The following IMMP2L variants were observed in gnomAD, a reference collection of about 807,000 sequenced individuals.
IMMP2L encodes the protein mitochondrial inner membrane protease subunit 2.
Under a neutral mutation model 19.3 loss-of-function variants are expected in IMMP2L, and 18 were observed. The ratio of observed to expected loss-of-function variants is 0.93; its 90% CI spans 0.64 to 1.38. The LOEUF is 1.38. Among genes scored for constraint, IMMP2L ranks in the 40% most tolerant of loss-of-function variants. The probability of loss-of-function intolerance (pLI) is 0.00; values close to 1 mark genes in which losing one functional copy is unlikely to be tolerated. For synonymous variants in IMMP2L, 76 were observed against 73.0 expected (o/e 1.04, Z -0.21); for missense variants, 233 against 218.2 (o/e 1.07, Z -0.43).
Position 110,889,423 on chromosome 7 carries a change from C to A in IMMP2L, c.306-2728G>T, listed in dbSNP as rs1012910462. 2.6e-5 allele frequency among the ~76,000 whole-genome samples: 4 copies of A among 152,102 alleles called. No homozygotes were observed. The East Asian group carries it at 7.7e-4, about 29-fold the overall frequency. ...TAAGAGTGTCATAAGGAGCATGCAA[C>A]CTAGATCCCTCACATGCGCATTTCA... On this transcript the variant is annotated intron_variant, in intron 4 of 5. Coordinates refer to ENST00000405709, the MANE Select transcript of IMMP2L (RefSeq NM_032549.4).
At position 110,844,484 on chromosome 7, in the gene IMMP2L, AG is replaced by A. The variant is rs576796081; in HGVS notation, c.408+42108del. Among the ~76,000 whole-genome samples, 112 of 152,108 alleles carry A rather than the reference AG, an allele frequency of 7.4e-4. 1 individual carries two copies. In the South Asian group the frequency reaches 0.019, roughly 26 times the overall value. ...AAAAAAGTTTAGCAGTTTTGCACCC[AG>A]AAAAAAAGAAAACGGAGAAGGGTAA... On this transcript the variant is annotated intron_variant, in intron 5 of 5. Transcript: ENST00000405709.
At chr7:111,274,307 A>G (rs1025458574) in intron 3 of IMMP2L, among the ~76,000 whole-genome samples, 3 of 152,178 alleles carry the variant, frequency 2.0e-5, no homozygotes, top group Non-Finnish European at 4.4e-5. Context: ...GAAGGCTAAA[A>G]TGAGTCTTAA....
At chr7:111,487,646 G>A (rs994550252) in intron 2 of IMMP2L, among the ~76,000 whole-genome samples, 10 of 152,096 alleles carry the variant, frequency 6.6e-5, no homozygotes, top group African/African-American at 2.4e-4. Context: ...ATAAAAACAT[G>A]AGGAAGAAGT....
intron 3 of IMMP2L, among the ~76,000 whole-genome samples, chr7:111,271,828 T>C (rs1464432709): frequency 6.6e-6 from 1 of 152,164 alleles, no homozygotes; most frequent in Non-Finnish European, 1.5e-5. Flanking sequence ...GACACCACCA[T>C]GAAGCAAGTT....
intron 3 of IMMP2L, among the ~76,000 whole-genome samples, chr7:110,981,583 T>G (rs1270810803): frequency 6.6e-6 from 1 of 151,982 alleles, no homozygotes; most frequent in Non-Finnish European, 1.5e-5. Flanking sequence ...AAAAAAAGAT[T>G]GAAGTGATAA....
At chr7:111,110,697 G>T (rs1197314605) in intron 3 of IMMP2L, among the ~76,000 whole-genome samples, 1 of 152,120 alleles carries the variant, frequency 6.6e-6, no homozygotes, top group Non-Finnish European at 1.5e-5. Flanking sequence ...AATTAATGTT[G>T]AGTAATTCTT....
At chr7:110,675,972 A>G (rs1372997786) in intron 5 of IMMP2L, among the ~76,000 whole-genome samples, 1 of 152,182 alleles carries the variant, frequency 6.6e-6, no homozygotes, top group African/African-American at 2.4e-5. Context: ...CTTACATATA[A>G]ATAACCTCTC....
chr7:110,986,821 T>TAA (rs79747185), intron 3 of IMMP2L, among the ~76,000 whole-genome samples: 51 of 132,862 alleles, frequency 3.8e-4, no homozygotes, highest in Middle Eastern at 3.8e-3. Flanking sequence ...TCTTAGTTAG[T>TAA]AAAAAAAAAA....
intron 4 of IMMP2L, among the ~76,000 whole-genome samples, chr7:110,925,975 T>TA (rs1563085502): frequency 6.6e-6 from 1 of 152,046 alleles, no homozygotes; most frequent in African/African-American, 2.4e-5. Flanking sequence ...CCAAGTTTTT[T>TA]AAAAATATAT....
Position 111,380,027 on chromosome 7 carries a change from C to T in IMMP2L, c.239+107211G>A, listed in dbSNP as rs1007432258. Among the ~76,000 whole-genome samples the T allele has an allele frequency of 1.2e-4, 18 of 151,768 alleles. 1 individual carries two copies. The highest frequency in any genetic ancestry group is 2.4e-4 in the Non-Finnish European group (16 of 67,848). Reference sequence around the variant, plus strand: ...CTAGAAAATAGTAAAATAGCTCCATCGAAAACTCTTCTGTGCATATTCTGC... The same window carrying T: ...CTAGAAAATAGTAAAATAGCTCCATTGAAAACTCTTCTGTGCATATTCTGC... On this transcript the variant is annotated intron_variant, in intron 3 of 5. Transcript: ENST00000405709.
At chr7:110,674,744 G>C (rs943553189) in intron 5 of IMMP2L, among the ~76,000 whole-genome samples, 2 of 152,140 alleles carry the variant, frequency 1.3e-5, no homozygotes, top group Non-Finnish European at 2.9e-5. Flanking sequence ...TGATATCAAA[G>C]GTCCTTCACA....
intron 3 of IMMP2L, among the ~76,000 whole-genome samples, chr7:111,139,917 C>T (rs1280506002): frequency 6.6e-6 from 1 of 152,106 alleles, no homozygotes. Flanking sequence ...TCTTCAAAAA[C>T]TGAAACTCTA....
intron 3 of IMMP2L, among the ~76,000 whole-genome samples, chr7:111,387,456 C>G (rs1831872346): frequency 6.6e-6 from 1 of 152,080 alleles, no homozygotes; most frequent in Non-Finnish European, 1.5e-5. Context: ...AAACAAGGTT[C>G]AACAAGAACT....
chr7:111,458,791 T>C (rs901508825), intron 3 of IMMP2L, among the ~76,000 whole-genome samples: 1 of 152,318 alleles, frequency 6.6e-6, no homozygotes. Flanking sequence ...AGAACATTTT[T>C]AGCCTTTATT....
chr7:110,783,896 A>G (rs1300519045), intron 5 of IMMP2L, among the ~76,000 whole-genome samples: 1 of 151,888 alleles, frequency 6.6e-6, no homozygotes, highest in Non-Finnish European at 1.5e-5. Context: ...ACATTCCTAA[A>G]CCCCATGGAG....
At chr7:111,131,821 T>A (rs1448282458) in intron 3 of IMMP2L, among the ~76,000 whole-genome samples, 1 of 151,902 alleles carries the variant, frequency 6.6e-6, no homozygotes, top group Non-Finnish European at 1.5e-5. Context: ...AACTATATAT[T>A]CATATAGTTA....
intron 5 of IMMP2L, among the ~76,000 whole-genome samples, chr7:110,830,759 C>T (rs1278451383): frequency 2.6e-5 from 4 of 152,032 alleles, no homozygotes; most frequent in African/African-American, 4.8e-5. Context: ...TCTCTCTCTT[C>T]CTCCCTTGCT....
At chr7:111,278,338 T>C (rs1012527058) in intron 3 of IMMP2L, among the ~76,000 whole-genome samples, 1 of 152,218 alleles carries the variant, frequency 6.6e-6, no homozygotes. Flanking sequence ...TGAGTAAACA[T>C]GGTTTGTATG....
At chr7:110,796,390 G>A (rs752555998) in intron 5 of IMMP2L, among the ~76,000 whole-genome samples, 28 of 151,900 alleles carry the variant, frequency 1.8e-4, no homozygotes, top group Non-Finnish European at 2.9e-4. Context: ...TTGCTTCCTC[G>A]CCCAGTGCCC....
Sources: gnomAD v4.1 joint callset for allele counts (sites outside exome capture counted in the v4.1 genomes callset) on GRCh38, gnomAD v4.1.1 for gene constraint, MANE v1.5 for transcripts, NCBI Gene and HGNC (gene_info 2026-07-23, HGNC 2026-07-21) for gene names.